The following CUBN variants were observed in gnomAD, a reference collection of about 807,000 sequenced individuals.
CUBN encodes the protein 460 kDa receptor.
A neutral mutation model predicts 405.3 loss-of-function variants in CUBN; 282 were observed. The ratio of observed to expected loss-of-function variants is 0.70; its 90% CI spans 0.63 to 0.77. The LOEUF (loss-of-function observed/expected upper bound fraction) is 0.77, where lower values mean the gene tolerates loss of function less well. CUBN is among the 30% of genes least tolerant of loss of function. CUBN has a pLI of 0.00. For missense variants in CUBN, 4,514 were observed against 4,475.2 expected, an observed-to-expected ratio of 1.01 and a Z score of -0.25; for synonymous variants, 1,684 against 1,617.0, an observed-to-expected ratio of 1.04 and a Z score of -0.99.
chr10:16,937,887 CA>C (rs1269154820), intron 38 of CUBN, 103 bp from the exon 39 acceptor site: 10 of 1,053,110 alleles, frequency 9.5e-6, no homozygotes, highest in Admixed American at 2.5e-5. Context: ...GTTATCATAA[CA>C]AAAAAATGAC....
chr10:16,988,151 C>T (rs193272312), intron 29 of CUBN, among the ~76,000 whole-genome samples: 2 of 152,300 alleles, frequency 1.3e-5, no homozygotes. Flanking sequence ...ACCCGAAACA[C>T]AATTGGCCCA....
At chr10:16,874,583 T>A in intron 57 of CUBN, 80 bp from the exon 58 acceptor site, 1 of 1,540,948 alleles carries the variant, frequency 6.5e-7, no homozygotes. Context: ...GATTCTATAC[T>A]ATTGTACATT....
chr10:16,923,837 C>G (rs1213655992), intron 43 of CUBN, among the ~76,000 whole-genome samples: 2 of 152,090 alleles, frequency 1.3e-5, no homozygotes, highest in Admixed American at 6.5e-5. Context: ...TTTGGGAAGC[C>G]AAGGCAGGTG....
In CUBN at chr10:17,045,985, G is replaced by A; in HGVS notation, c.3439C>T (p.Gln1147Ter). 1 of 1,613,778 alleles carries A rather than the reference G, an allele frequency of 6.2e-7. No individual in the cohort carries two copies. The highest frequency in any genetic ancestry group is 2.2e-5 in the East Asian group (1 of 44,840). The part of the protein sequence containing the change: ...NKLWLKFKSD[Q>*]IDTRSGFSAY... Reference sequence around the variant, plus strand: ...GAGAATCCAGACCTTGTGTCTATTTGGTCACTCTTAAATTTTAACCATAGT... The same window carrying A: ...GAGAATCCAGACCTTGTGTCTATTTAGTCACTCTTAAATTTTAACCATAGT... The change falls in exon 24 of 67, where the codon CAA becomes TAA. Residue 1147 changes from glutamine (Q) to a stop codon, truncating the protein, a stop_gained. Coordinates refer to ENST00000377833, the MANE Select transcript of CUBN (RefSeq NM_001081.4). LOFTEE classifies it high-confidence loss of function.
At chr10:17,101,577 G>T (rs543587635) in intron 13 of CUBN, among the ~76,000 whole-genome samples, 7 of 152,244 alleles carry the variant, frequency 4.6e-5, no homozygotes, top group African/African-American at 1.7e-4. Context: ...GATTTCAAGG[G>T]AAAATTTTAT....
At chr10:16,983,497 C>A (rs950042317) in intron 30 of CUBN, among the ~76,000 whole-genome samples, 1 of 152,160 alleles carries the variant, frequency 6.6e-6, no homozygotes, top group Non-Finnish European at 1.5e-5. Context: ...AGCGGACTTC[C>A]CTCACAGGGT....
chr10:16,973,188 C>G (rs1322468127), intron 31 of CUBN, among the ~76,000 whole-genome samples: 1 of 152,152 alleles, frequency 6.6e-6, no homozygotes, highest in Non-Finnish European at 1.5e-5. Flanking sequence ...ATTTTTTATT[C>G]CCAAATGTGC....
intron 18 of CUBN, 45 bp downstream of exon 18, chr10:17,071,782 T>C (rs1201930976): frequency 1.3e-6 from 2 of 1,595,060 alleles, no homozygotes; most frequent in Non-Finnish European, 1.7e-6. Flanking sequence ...ATTAAAATAT[T>C]ACAATCAGGC....
chr10:17,074,153 T>C (rs1835801148), intron 17 of CUBN, among the ~76,000 whole-genome samples: 1 of 152,188 alleles, frequency 6.6e-6, no homozygotes, highest in Admixed American at 6.5e-5. Flanking sequence ...CAGGTGACAA[T>C]ACCATGAAAC....
At chr10:17,104,957 C>T (rs1210902516) in intron 11 of CUBN, among the ~76,000 whole-genome samples, 16 of 151,222 alleles carry the variant, frequency 1.1e-4, no homozygotes, top group African/African-American at 2.2e-4. Flanking sequence ...TACAGGCACG[C>T]GCCACCACAC....
intron 39 of CUBN, among the ~76,000 whole-genome samples, chr10:16,937,115 G>C (rs751574978): frequency 2.0e-5 from 3 of 152,134 alleles, no homozygotes; most frequent in Non-Finnish European, 4.4e-5. Flanking sequence ...TAAAATAAAA[G>C]TTTAAAATTC....
chr10:16,843,228 T>A (rs1430387297), intron 60 of CUBN, among the ~76,000 whole-genome samples: 1 of 152,160 alleles, frequency 6.6e-6, no homozygotes, highest in Non-Finnish European at 1.5e-5. Context: ...GTGCTTGGAT[T>A]TCCCTGAAAC....
At chr10:17,110,187 G>T (rs1171799914) in intron 9 of CUBN, among the ~76,000 whole-genome samples, 1 of 152,170 alleles carries the variant, frequency 6.6e-6, no homozygotes, top group Non-Finnish European at 1.5e-5. Flanking sequence ...TAGCAGAAAA[G>T]ACTTCTTTCC....
chr10:16,867,904 T>C (rs969330475), intron 59 of CUBN, among the ~76,000 whole-genome samples: 19 of 152,118 alleles, frequency 1.2e-4, no homozygotes, highest in African/African-American at 4.3e-4. Flanking sequence ...AGTGAGGAGA[T>C]TGTTAACACA....
At chr10:16,917,439 T>C (rs1353490896) in intron 45 of CUBN, among the ~76,000 whole-genome samples, 2 of 152,092 alleles carry the variant, frequency 1.3e-5, no homozygotes, top group Admixed American at 6.6e-5. Context: ...CAACAATAAC[T>C]AATAATAAAA....
At chr10:16,926,512 G>A (rs1307441464) in intron 41 of CUBN, among the ~76,000 whole-genome samples, 1 of 152,128 alleles carries the variant, frequency 6.6e-6, no homozygotes, top group Non-Finnish European at 1.5e-5. Flanking sequence ...GTCCAATAAG[G>A]AGGGGACCGC....
chr10:17,015,823 T>G (rs375135358), intron 28 of CUBN, among the ~76,000 whole-genome samples: 11 of 152,336 alleles, frequency 7.2e-5, no homozygotes, highest in Admixed American at 5.9e-4. Context: ...AGTGTCCTTG[T>G]AAACCACACT....
intron 56 of CUBN, among the ~76,000 whole-genome samples, chr10:16,884,457 G>T (rs1260945511): frequency 6.6e-6 from 1 of 151,340 alleles, no homozygotes; most frequent in Admixed American, 6.6e-5. Context: ...ACAAAATTTT[G>T]GACTGTTTAA....
chr10:16,953,879 TG>T (rs1369807683), intron 32 of CUBN, among the ~76,000 whole-genome samples: 3 of 123,232 alleles, frequency 2.4e-5, no homozygotes, highest in African/African-American at 9.7e-5. Flanking sequence ...GAAAGAGAGA[TG>T]AGGAAAAGGA....
Sources: gnomAD v4.1 joint callset for allele counts (sites outside exome capture counted in the v4.1 genomes callset) on GRCh38, gnomAD v4.1.1 for gene constraint, MANE v1.5 for transcripts, NCBI Gene and HGNC (gene_info 2026-07-23, HGNC 2026-07-21) for gene names.